Variants in PLEK observed in about 807,000 individuals in gnomAD.
PLEK encodes platelet 47 kDa protein.
Under a neutral mutation model 43.9 loss-of-function variants are expected in PLEK, and 25 were observed. That is an observed-to-expected ratio of 0.57 (90% CI 0.41 to 0.79). The LOEUF (loss-of-function observed/expected upper bound fraction) is 0.79, where lower values mean the gene tolerates loss of function less well. PLEK is among the 30% of genes least tolerant of loss of function. The pLI is 0.00. For synonymous variants in PLEK, 152 were observed against 144.4 expected (o/e 1.05, Z -0.38); for missense variants, 396 against 413.3 (o/e 0.96, Z 0.36).
chr2:68,382,769 G>T, intron 4 of PLEK, 136 bp downstream of exon 4: 1 of 602,510 alleles, frequency 1.7e-6, no homozygotes. Context: ...TGAGCCTGAG[G>T]ATGAAGCTCC....
chr2:68,370,819 G>A lies in PLEK; in HGVS notation c.42+5426G>A, dbSNP rs1673386167. Among the ~76,000 whole-genome samples the A allele has an allele frequency of 1.3e-5, 2 of 152,164 alleles. 1 individual carries two copies. The highest frequency in any genetic ancestry group is 1.3e-4 in the Admixed American group (2 of 15,272). On this transcript the variant is annotated intron_variant, in intron 1 of 8. Coordinates refer to ENST00000234313, the MANE Select transcript of PLEK (RefSeq NM_002664.3). ...TTTACATCCCAACAACCAGGCCAGT[G>A]TTGAAAGCATAGGAGCCATTCTATC...
chr2:68,389,974 C>A (rs181543582), intron 6 of PLEK, among the ~76,000 whole-genome samples: 32 of 152,070 alleles, frequency 2.1e-4, no homozygotes, highest in Admixed American at 8.5e-4. Context: ...TCAGTTATTT[C>A]TTGAATTAGT....
chr2:68,394,037 C>T (rs1673910754), intron 7 of PLEK, 70 bp from the exon 8 acceptor site: 2 of 1,007,450 alleles, frequency 2.0e-6, no homozygotes, highest in East Asian at 4.8e-5. Context: ...CTGGCTTTTT[C>T]ACCAAGAGGA....
chr2:68,395,617 A>C lies in PLEK; in HGVS notation c.917-63A>C, dbSNP rs1217584667. The C allele has an allele frequency of 3.2e-6, 5 of 1,570,274 alleles. No individual in the cohort carries two copies. In the African/African-American group the frequency reaches 6.8e-5, roughly 21 times the overall value. Reference sequence around the variant, plus strand: ...ACAGAGATTTCATGGCTTGCAGAGGAGGGTGGAGCAAGTGGTCTTTCTGAT... The same window carrying C: ...ACAGAGATTTCATGGCTTGCAGAGGCGGGTGGAGCAAGTGGTCTTTCTGAT... On this transcript the variant is annotated intron_variant, in intron 8 of 8. Coordinates refer to ENST00000234313, the MANE Select transcript of PLEK (RefSeq NM_002664.3).
At chr2:68,370,418 C>T (rs1673376835) in intron 1 of PLEK, among the ~76,000 whole-genome samples, 1 of 152,186 alleles carries the variant, frequency 6.6e-6, no homozygotes, top group Non-Finnish European at 1.5e-5. Context: ...CACTCTCTCC[C>T]ATGTGAGATT....
At chr2:68,384,840 A>T (rs1673704639) in intron 4 of PLEK, among the ~76,000 whole-genome samples, 1 of 152,188 alleles carries the variant, frequency 6.6e-6, no homozygotes. Flanking sequence ...TAATTTTCTT[A>T]TCCTTAAAAT....
At position 68,365,391 on chromosome 2, in the gene PLEK, A is replaced by G. The variant is rs776302322; in HGVS notation, c.40A>G (p.Lys14Glu). The part of the protein sequence containing the change: ...KRIREGYLVK[K>E]GSVFNTWKPM... ...GATCAGAGAGGGCTACCTTGTGAAG[A>G]AGGTGAGCGAAGGTGCCACTTACCA... Residue 14 changes from lysine (K) to glutamate (E), a missense_variant and splice_region_variant, in exon 1 of 9, where the codon AAG becomes GAG. Transcript: ENST00000234313. 1 of 1,613,130 alleles carries G rather than the reference A, an allele frequency of 6.2e-7. No individual in the cohort carries two copies. Among genetic ancestry groups the G allele is most frequent in the Non-Finnish European group, 8.5e-7 (1 of 1,179,170 alleles).
intron 1 of PLEK, among the ~76,000 whole-genome samples, chr2:68,370,096 A>G (rs1283765575): frequency 1.3e-5 from 2 of 152,250 alleles, no homozygotes; most frequent in Non-Finnish European, 2.9e-5. Flanking sequence ...ATCAACTTAA[A>G]ATAACATGTC....
At chr2:68,383,175 C>T (rs1673665069) in intron 4 of PLEK, among the ~76,000 whole-genome samples, 1 of 152,224 alleles carries the variant, frequency 6.6e-6, no homozygotes, top group Non-Finnish European at 1.5e-5. Flanking sequence ...CTTAGCCTCT[C>T]TGTGCTTCAC....
At chr2:68,388,734 G>GAA (rs35092569) in intron 6 of PLEK, among the ~76,000 whole-genome samples, 14 of 150,576 alleles carry the variant, frequency 9.3e-5, no homozygotes, top group African/African-American at 2.9e-4. Context: ...AATATCATAG[G>GAA]AAAAAAAAAG....
chr2:68,392,158 C>G (rs1673872604), intron 6 of PLEK, among the ~76,000 whole-genome samples: 1 of 140,342 alleles, frequency 7.1e-6, no homozygotes, highest in Non-Finnish European at 1.5e-5. Flanking sequence ...CTTCCTCCCC[C>G]TTTTCTCCTC....
rs1283620020 is a variant in PLEK, at chr2:68,396,510, GA to G, written c.*697del. On this transcript the variant is annotated 3_prime_UTR_variant, in exon 9 of 9. Coordinates refer to ENST00000234313, the MANE Select transcript of PLEK (RefSeq NM_002664.3). ...CAGCCTGGAAAGTTGTGTCTTCTGG[GA>G]AAGAGACCTGGGGAGGCCAGGAGTA... is the stretch of plus-strand genomic sequence containing the variant. 6.6e-6 allele frequency: 1 copy of G among 152,124 alleles called. No individual in the cohort carries two copies. The highest frequency in any genetic ancestry group is 1.5e-5 in the Non-Finnish European group (1 of 68,100). 9.4% of individuals were successfully genotyped at this position (152,124 alleles called of 1,614,324 possible).
At chr2:68,366,493 G>C (rs1048367210) in intron 1 of PLEK, among the ~76,000 whole-genome samples, 1 of 152,218 alleles carries the variant, frequency 6.6e-6, no homozygotes, top group East Asian at 1.9e-4. Context: ...GTTGTGACCA[G>C]CCACTCCTTC....
intron 4 of PLEK, 62 bp from the exon 5 acceptor site, chr2:68,386,440 G>A (rs1673744056): frequency 7.4e-7 from 1 of 1,349,490 alleles, no homozygotes; most frequent in African/African-American, 1.4e-5. Flanking sequence ...GTTCAGGGGT[G>A]ATTGTCAGGG....
At chr2:68,383,255 G>T (rs1673666537) in intron 4 of PLEK, among the ~76,000 whole-genome samples, 1 of 152,186 alleles carries the variant, frequency 6.6e-6, no homozygotes, top group African/African-American at 2.4e-5. Flanking sequence ...TGTGTGTAGA[G>T]TAGTGCCTGG....
At chr2:68,394,046 G>A in intron 7 of PLEK, 61 bp from the exon 8 acceptor site, 5 of 1,058,830 alleles carry the variant, frequency 4.7e-6, no homozygotes, top group South Asian at 2.5e-5. Context: ...TCACCAAGAG[G>A]ATGAGGTCTA....
In PLEK at chr2:68,374,538, G is replaced by A. The variant is rs115239542; in HGVS notation, c.43-5790G>A. Among the ~76,000 whole-genome samples the A allele has an allele frequency of 2.9e-3, 449 of 152,228 alleles. 1 individual carries two copies. The highest frequency in any genetic ancestry group is 0.01 in the African/African-American group (420 of 41,534). ...GAGTTAACAACTTTGTTTTTTAATT[G>A]AAGGATAACTTACAATAAGGTACAT... is the stretch of plus-strand genomic sequence containing the variant. On this transcript the variant is annotated intron_variant, in intron 1 of 8. Coordinates refer to ENST00000234313, the MANE Select transcript of PLEK (RefSeq NM_002664.3).
chr2:68,369,140 G>T (rs895194581), intron 1 of PLEK, among the ~76,000 whole-genome samples: 1 of 152,198 alleles, frequency 6.6e-6, no homozygotes, highest in African/African-American at 2.4e-5. Context: ...CCTGAAGCAG[G>T]AACAGTTCCA....
chr2:68,380,985 T>C, intron 3 of PLEK, 81 bp downstream of exon 3: 2 of 1,184,880 alleles, frequency 1.7e-6, no homozygotes, highest in Non-Finnish European at 2.4e-6. Flanking sequence ...AGGCTTGCTT[T>C]GACCACCTCT....
Sources: allele counts gnomAD v4.1 joint callset (sites outside exome capture counted in the v4.1 genomes callset), GRCh38; gene constraint gnomAD v4.1.1; transcripts MANE v1.5; gene names NCBI Gene and HGNC (gene_info 2026-07-23, HGNC 2026-07-21).